The following PRSS23 variants were observed in gnomAD, a reference collection of about 807,000 sequenced individuals.
The protein encoded by PRSS23 is protease, serine 23.
PRSS23 carries 25 observed loss-of-function variants against 34.7 expected under a neutral mutation model. The observed-to-expected ratio is 0.72, with a 90% confidence interval of 0.53 to 1.01. The LOEUF (loss-of-function observed/expected upper bound fraction) is 1.01. Among genes scored for constraint, PRSS23 ranks in the 50% least tolerant of loss-of-function variants. PRSS23 has a pLI of 0.00. For missense variants in PRSS23, 445 were observed against 475.6 expected, an observed-to-expected ratio of 0.94 and a Z score of 0.60; for synonymous variants, 176 against 186.6, an observed-to-expected ratio of 0.94 and a Z score of 0.46.
chr11:86,855,002 C>T (rs1371968653), intron 2 of PRSS23, among the ~76,000 whole-genome samples: 3 of 152,104 alleles, frequency 2.0e-5, no homozygotes, highest in Non-Finnish European at 4.4e-5. Flanking sequence ...CTCATCTCTA[C>T]TAAAAATACA....
chr11:86,824,523 C>T (rs1454595315), intron 2 of PRSS23, among the ~76,000 whole-genome samples: 1 of 149,724 alleles, frequency 6.7e-6, no homozygotes, highest in East Asian at 2.0e-4. Context: ...TACATGTGCA[C>T]AATGTGCAGG....
intron 2 of PRSS23, among the ~76,000 whole-genome samples, chr11:86,869,223 G>A (rs527394120): frequency 2.0e-5 from 3 of 152,280 alleles, no homozygotes; most frequent in Non-Finnish European, 2.9e-5. Context: ...ACAGAACATC[G>A]TTTGGAATGT....
chr11:86,792,148 T>C (rs1002526807), intron 1 of PRSS23, among the ~76,000 whole-genome samples: 1 of 152,188 alleles, frequency 6.6e-6, no homozygotes, highest in Non-Finnish European at 1.5e-5. Flanking sequence ...AGGCTGGTCC[T>C]TACAGACAGC....
upstream of PRSS23, among the ~76,000 whole-genome samples, chr11:86,795,791 T>A (rs187191633): frequency 3.4e-4 from 52 of 152,378 alleles, no homozygotes; most frequent in East Asian, 3.1e-3. Flanking sequence ...TAACACTTTA[T>A]TATTATCAAA....
At chr11:86,847,272 A>G (rs1359826509) in intron 2 of PRSS23, among the ~76,000 whole-genome samples, 1 of 152,186 alleles carries the variant, frequency 6.6e-6, no homozygotes, top group Non-Finnish European at 1.5e-5. Flanking sequence ...TATGGCCAGG[A>G]CCGCATAAAG....
At chr11:86,797,944 C>T (rs1345090134), upstream of PRSS23, among the ~76,000 whole-genome samples, 3 of 152,186 alleles carry the variant, frequency 2.0e-5, no homozygotes. Context: ...TAGTCAGATG[C>T]CACAGGCCAC....
In PRSS23 at chr11:86,914,286, T is replaced by C. The variant is rs144838320; in HGVS notation, c.207-36930T>C. Among the ~76,000 whole-genome samples the C allele has an allele frequency of 2.9e-3, 439 of 152,240 alleles. 2 individuals carry two copies. The highest frequency in any genetic ancestry group is 0.01 in the African/African-American group (425 of 41,538). On this transcript the variant is annotated intron_variant, in intron 2 of 2. Transcript: ENST00000533902. ...AAAGGAGTGTTACTGATTAATAACA[T>C]TGAATGCCTCAAATTAATCAGGTAA...
At chr11:86,896,398 A>G (rs564185834) in intron 2 of PRSS23, 1 of 151,990 alleles carries the variant, frequency 6.6e-6, no homozygotes, top group East Asian at 1.9e-4. Context: ...CACATAAACA[A>G]GGACTCCCAT....
exon 3 of PRSS23, chr11:86,952,183 G>A (rs764592458): frequency 9.9e-6 from 16 of 1,612,970 alleles, no homozygotes; most frequent in Non-Finnish European, 1.7e-6. Flanking sequence ...TCACCCAGAT[G>A]TACTGATCAG....
chr11:86,895,254 C>CTACT (rs1232605692), intron 2 of PRSS23, among the ~76,000 whole-genome samples: 2 of 152,194 alleles, frequency 1.3e-5, no homozygotes, highest in African/African-American at 4.8e-5. Flanking sequence ...CCTGGTCCTG[C>CTACT]TACTCACTGA....
chr11:86,933,384 T>A (rs11234884), intron 2 of PRSS23: 1 of 152,206 alleles, frequency 6.6e-6, no homozygotes, highest in East Asian at 1.9e-4. Flanking sequence ...TCGAAAAAAA[T>A]GGCTCTCAAG....
intron 2 of PRSS23, among the ~76,000 whole-genome samples, chr11:86,859,469 A>G (rs1948597438): frequency 6.6e-6 from 1 of 152,014 alleles, no homozygotes; most frequent in African/African-American, 2.4e-5. Flanking sequence ...TAGAAAGTGT[A>G]TACCTACCCT....
At chr11:86,831,439 GT>G (rs1242656279) in intron 2 of PRSS23, among the ~76,000 whole-genome samples, 1 of 151,842 alleles carries the variant, frequency 6.6e-6, no homozygotes, top group Non-Finnish European at 1.5e-5. Context: ...CATAGCAGGT[GT>G]ACCCCCTGTG....
At chr11:86,863,887 T>A (rs1015354261) in intron 2 of PRSS23, among the ~76,000 whole-genome samples, 2 of 152,238 alleles carry the variant, frequency 1.3e-5, no homozygotes, top group African/African-American at 4.8e-5. Context: ...TTCTGCATTG[T>A]GTTGCAATGC....
At chr11:86,829,576 G>A (rs1948333619) in intron 2 of PRSS23, among the ~76,000 whole-genome samples, 1 of 152,108 alleles carries the variant, frequency 6.6e-6, no homozygotes, top group African/African-American at 2.4e-5. Context: ...GCTTTTTAGA[G>A]TTTCCAGTTT....
intron 2 of PRSS23, among the ~76,000 whole-genome samples, chr11:86,916,127 C>T (rs944423142): frequency 6.6e-6 from 1 of 151,816 alleles, no homozygotes; most frequent in South Asian, 2.1e-4. Context: ...TATGACCAGA[C>T]CAGAATAAAT....
intron 2 of PRSS23, among the ~76,000 whole-genome samples, chr11:86,856,337 A>G (rs1310797003): frequency 2.6e-5 from 4 of 151,880 alleles, no homozygotes; most frequent in Non-Finnish European, 5.9e-5. Flanking sequence ...AAAAAAAAAA[A>G]AAATCTGCAT....
chr11:86,832,980 G>A (rs978261602), intron 2 of PRSS23: 4 of 397,188 alleles, frequency 1.0e-5, no homozygotes, highest in Non-Finnish European at 1.9e-5. Context: ...ATCAAATTGT[G>A]CAGCTGGGAG....
chr11:86,917,472 A>AAG (rs1844849403), intron 2 of PRSS23, among the ~76,000 whole-genome samples: 1 of 152,240 alleles, frequency 6.6e-6, no homozygotes, highest in Non-Finnish European at 1.5e-5. Flanking sequence ...ACTGATTTTC[A>AAG]GTTTCCTTGT....
Sources: gnomAD v4.1 joint callset for allele counts (sites outside exome capture counted in the v4.1 genomes callset) on GRCh38, gnomAD v4.1.1 for gene constraint, MANE v1.5 for transcripts, NCBI Gene and HGNC (gene_info 2026-07-23, HGNC 2026-07-21) for gene names.